The following NALCN variants were observed in gnomAD, a reference collection of about 807,000 sequenced individuals.
NALCN encodes the protein sodium leak channel, non-selective, also known as sodium leak channel NALCN.
Under a neutral mutation model 225.3 loss-of-function variants are expected in NALCN, and 111 were observed. The ratio of observed to expected loss-of-function variants is 0.49; its 90% CI spans 0.42 to 0.58. The LOEUF is 0.58. Ranked by LOEUF, NALCN falls within the 20% of genes least tolerant of loss-of-function variation. The pLI is 0.00. For synonymous variants in NALCN, 764 were observed against 769.0 expected (o/e 0.99, Z 0.11); for missense variants, 1,378 against 2,202.4 (o/e 0.63, Z 7.49).
intron 17 of NALCN, among the ~76,000 whole-genome samples, chr13:101,140,593 A>AACAAG (rs1272643457): frequency 1.3e-5 from 2 of 152,180 alleles, no homozygotes; most frequent in Admixed American, 1.3e-4. Flanking sequence ...AACAAAACAA[A>AACAAG]ACAACCTGCT....
At chr13:101,373,055 A>C (rs1006615638) in intron 6 of NALCN, 1 of 397,652 alleles carries the variant, frequency 2.5e-6, no homozygotes, top group African/African-American at 2.1e-5. Flanking sequence ...GCATTTGTAT[A>C]AACATTATGC....
intron 11 of NALCN, among the ~76,000 whole-genome samples, chr13:101,256,444 G>A (rs996522347): frequency 6.6e-6 from 1 of 152,130 alleles, no homozygotes; most frequent in African/African-American, 2.4e-5. Context: ...TGATTTAAAT[G>A]TTGCTTTTCC....
chr13:101,176,266 C>T, intron 15 of NALCN, 34 bp downstream of exon 15: 3 of 1,463,212 alleles, frequency 2.1e-6, no homozygotes, highest in Admixed American at 2.6e-5. Flanking sequence ...GGTTTTTTGT[C>T]CTTTTTAAAA....
At chr13:101,086,877 T>C (rs2033958738) in intron 30 of NALCN, among the ~76,000 whole-genome samples, 1 of 152,130 alleles carries the variant, frequency 6.6e-6, no homozygotes, top group Non-Finnish European at 1.5e-5. Flanking sequence ...ATTGTTCTTT[T>C]CTGATAATCA....
chr13:101,349,812 C>G (rs1039757010), intron 6 of NALCN, among the ~76,000 whole-genome samples: 2 of 152,160 alleles, frequency 1.3e-5, no homozygotes, highest in Non-Finnish European at 2.9e-5. Flanking sequence ...ACATGTCCAA[C>G]TGCTTATTAG....
At chr13:101,240,767 A>G (rs1418840639) in intron 11 of NALCN, among the ~76,000 whole-genome samples, 1 of 152,134 alleles carries the variant, frequency 6.6e-6, no homozygotes, top group Non-Finnish European at 1.5e-5. Flanking sequence ...TTTTCTTCCT[A>G]TTCTCCTTCA....
chr13:101,078,992 C>A (rs1218501711), intron 34 of NALCN, among the ~76,000 whole-genome samples: 1 of 152,180 alleles, frequency 6.6e-6, no homozygotes, highest in Non-Finnish European at 1.5e-5. Context: ...TTATAAGGGA[C>A]TTCCCCCTTT....
intron 18 of NALCN, among the ~76,000 whole-genome samples, chr13:101,123,741 T>C (rs1469310095): frequency 6.6e-6 from 1 of 152,214 alleles, no homozygotes; most frequent in African/African-American, 2.4e-5. Flanking sequence ...AAAGTAAGAA[T>C]AGTTTTAAAG....
At chr13:101,164,055 TC>T (rs1276324759) in intron 15 of NALCN, among the ~76,000 whole-genome samples, 1 of 152,042 alleles carries the variant, frequency 6.6e-6, no homozygotes, top group African/African-American at 2.4e-5. Context: ...TCATATTGAG[TC>T]CACCCTAATG....
intron 26 of NALCN, among the ~76,000 whole-genome samples, chr13:101,101,453 G>GT (rs1357823968): frequency 2.0e-5 from 3 of 151,646 alleles, no homozygotes; most frequent in Non-Finnish European, 4.4e-5. Flanking sequence ...GCTAATTTTT[G>GT]TATTTTTAGT....
At chr13:101,091,078 T>C (rs2034207224) in intron 28 of NALCN, among the ~76,000 whole-genome samples, 1 of 152,206 alleles carries the variant, frequency 6.6e-6, no homozygotes, top group African/African-American at 2.4e-5. Flanking sequence ...GCTAACATTT[T>C]TGTTGTTAAT....
chr13:101,362,819 A>G (rs758947030), intron 6 of NALCN, among the ~76,000 whole-genome samples: 1 of 152,240 alleles, frequency 6.6e-6, no homozygotes, highest in East Asian at 1.9e-4. Flanking sequence ...TGCAGACGAC[A>G]TGATCTTACA....
intron 6 of NALCN, among the ~76,000 whole-genome samples, chr13:101,358,578 C>T (rs530670393): frequency 3.9e-5 from 6 of 152,116 alleles, no homozygotes; most frequent in Non-Finnish European, 7.4e-5. Flanking sequence ...GAAATAGGAA[C>T]GCTTTTACAC....
intron 6 of NALCN, chr13:101,373,070 T>C (rs2046586249): frequency 2.5e-6 from 1 of 393,902 alleles, no homozygotes; most frequent in Non-Finnish European, 5.0e-6. Flanking sequence ...TTATGCAATA[T>C]TGACAAATTA....
intron 14 of NALCN, among the ~76,000 whole-genome samples, chr13:101,189,586 A>G (rs1172299970): frequency 6.6e-6 from 1 of 152,210 alleles, no homozygotes; most frequent in East Asian, 1.9e-4. Flanking sequence ...TTCAGAAATC[A>G]GATATCGAGT....
intron 1 of NALCN, among the ~76,000 whole-genome samples, chr13:101,414,621 C>A (rs538787428): frequency 3.0e-4 from 46 of 152,300 alleles, no homozygotes; most frequent in Non-Finnish European, 3.4e-4. Context: ...CTACTCAAAT[C>A]TTCAGTTCAC....
intron 9 of NALCN, among the ~76,000 whole-genome samples, chr13:101,289,084 T>C (rs768191202): frequency 1.3e-5 from 2 of 152,214 alleles, no homozygotes; most frequent in Non-Finnish European, 2.9e-5. Flanking sequence ...GGTAACCCTA[T>C]AGTGGATTAA....
rs1209508704 is a variant in NALCN, at chr13:101,104,998, T to C, written c.2580-48A>G. Reference sequence around the variant, plus strand: ...AATTCTGCAACAAAGCAAGCATGTTTTAACTTGCTAAAAATCATATTTGCA... The same window carrying C: ...AATTCTGCAACAAAGCAAGCATGTTCTAACTTGCTAAAAATCATATTTGCA... On this transcript the variant is annotated intron_variant, in intron 22 of 43. Coordinates refer to ENST00000251127, the MANE Select transcript of NALCN (RefSeq NM_052867.4). The surrounding 1 kb of genome is among the most constrained non-coding windows in gnomAD (Gnocchi z 4.2). 9 of 1,530,912 alleles carry C rather than the reference T, an allele frequency of 5.9e-6. No homozygotes were observed. The highest frequency in any genetic ancestry group is 8.1e-6 in the Non-Finnish European group (9 of 1,107,408). The allele number at this position is 1,530,912 out of a possible 1,614,324, so 94.8% of individuals were successfully genotyped here.
chr13:101,288,496 TG>T (rs1159074143), intron 9 of NALCN, among the ~76,000 whole-genome samples: 4 of 152,190 alleles, frequency 2.6e-5, no homozygotes, highest in African/African-American at 9.7e-5. Context: ...CTTTAGGCAT[TG>T]TATAACCCAT....
Sources: allele counts gnomAD v4.1 joint callset (sites outside exome capture counted in the v4.1 genomes callset), GRCh38; gene constraint gnomAD v4.1.1; non-coding constraint Gnocchi (gnomAD v3.1); transcripts MANE v1.5; gene names NCBI Gene and HGNC (gene_info 2026-07-23, HGNC 2026-07-21).